LRP6: variants seen among roughly 807,000 people sequenced by gnomAD.
The protein encoded by LRP6 is LDL receptor related protein 6.
LRP6 carries 43 observed loss-of-function variants against 184.1 expected under a neutral mutation model. The ratio of observed to expected loss-of-function variants is 0.23; its 90% CI spans 0.18 to 0.30. The LOEUF is 0.30. Among genes scored for constraint, LRP6 ranks in the 10% least tolerant of loss-of-function variants. The pLI is 1.00. For missense variants in LRP6, 1,571 were observed against 2,005.3 expected (o/e 0.78, Z 4.14); for synonymous variants, 719 against 684.9 (o/e 1.05, Z -0.78).
At chr12:12,194,417 T>C (rs1014729953) in intron 3 of LRP6, among the ~76,000 whole-genome samples, 3 of 152,076 alleles carry the variant, frequency 2.0e-5, no homozygotes, top group Admixed American at 6.6e-5. Flanking sequence ...CAAAAGGCCC[T>C]GCATGAACCC....
intron 15 of LRP6, among the ~76,000 whole-genome samples, chr12:12,145,769 T>A (rs897858295): frequency 6.6e-6 from 1 of 151,674 alleles, no homozygotes; most frequent in Non-Finnish European, 1.5e-5. Flanking sequence ...GTAGCTGAGA[T>A]TACAGGTGCC....
intron 10 of LRP6, among the ~76,000 whole-genome samples, chr12:12,160,824 G>GA (rs1313433755): frequency 6.6e-6 from 1 of 152,180 alleles, no homozygotes; most frequent in African/African-American, 2.4e-5. Flanking sequence ...GTAAACTAGT[G>GA]AGGTGCTAGT....
At chr12:12,164,136 A>G in intron 9 of LRP6, 137 bp downstream of exon 9, 3 of 799,964 alleles carry the variant, frequency 3.8e-6, no homozygotes, top group Non-Finnish European at 5.9e-6. Flanking sequence ...TTTAAAAAAA[A>G]AAAAAAAAAC....
At chr12:12,138,984 G>A in intron 15 of LRP6, 4 of 1,345,918 alleles carry the variant, frequency 3.0e-6, no homozygotes, top group Non-Finnish European at 4.0e-6. Flanking sequence ...CCCAAGGTAA[G>A]AATTATTTCT....
At chr12:12,237,591 T>C (rs10772540) in intron 2 of LRP6, among the ~76,000 whole-genome samples, 61,599 of 152,180 alleles carry the variant, frequency 0.4, 15,224 homozygotes, top group East Asian at 0.76. Context: ...TAACATCACC[T>C]AGTATCCACA....
At chr12:12,239,838 ATAC>A (rs1381867185) in intron 2 of LRP6, among the ~76,000 whole-genome samples, 1 of 152,156 alleles carries the variant, frequency 6.6e-6, no homozygotes, top group East Asian at 1.9e-4. Flanking sequence ...GCATTCAGTT[ATAC>A]TACAACTACT....
intron 15 of LRP6, among the ~76,000 whole-genome samples, chr12:12,145,667 C>T (rs2136905825): frequency 7.1e-6 from 1 of 140,784 alleles, no homozygotes; most frequent in South Asian, 2.3e-4. Context: ...GTTCTCGTTC[C>T]ATAACCCAGG....
At chr12:12,266,140 C>T (rs1865752172) in intron 1 of LRP6, among the ~76,000 whole-genome samples, 1 of 152,148 alleles carries the variant, frequency 6.6e-6, no homozygotes, top group South Asian at 2.1e-4. Context: ...TCCAACTGCG[C>T]TCTCACCCAG....
Position 12,266,957 on chromosome 12 carries a change from T to C in LRP6, c.-222A>G, listed in dbSNP as rs1865787799. The C allele has an allele frequency of 3.6e-6, 2 of 551,288 alleles. No individual in the cohort carries two copies. The highest frequency in any genetic ancestry group is 6.3e-6 in the Non-Finnish European group (2 of 316,310). The allele number at this position is 551,288 out of a possible 1,614,324, so 34.1% of individuals were successfully genotyped here. A position where few individuals can be genotyped will look rare whatever the true frequency, so the allele number is the denominator to read the frequency against. On this transcript the variant is annotated 5_prime_UTR_variant, in exon 1 of 23. Coordinates refer to ENST00000261349, the MANE Select transcript of LRP6 (RefSeq NM_002336.3). Reference sequence around the variant, plus strand: ...GGCTCGCGCGACGCCAGCGTCTGCTTCCATCCCGCCGCCTCCTCCCCCGGC... The same window carrying C: ...GGCTCGCGCGACGCCAGCGTCTGCTCCCATCCCGCCGCCTCCTCCCCCGGC...
At chr12:12,130,469 A>C (rs1949735317) in intron 19 of LRP6, among the ~76,000 whole-genome samples, 1 of 152,122 alleles carries the variant, frequency 6.6e-6, no homozygotes, top group African/African-American at 2.4e-5. Context: ...TACAGGTGTG[A>C]GCCACCACGC....
At chr12:12,200,516 G>A (rs1863887448) in intron 3 of LRP6, among the ~76,000 whole-genome samples, 1 of 151,938 alleles carries the variant, frequency 6.6e-6, no homozygotes, top group African/African-American at 2.4e-5. Flanking sequence ...GTTCTTTTTT[G>A]TTTTCACTTC....
At chr12:12,220,924 G>A (rs1210031047) in intron 2 of LRP6, among the ~76,000 whole-genome samples, 2 of 152,028 alleles carry the variant, frequency 1.3e-5, no homozygotes, top group Non-Finnish European at 2.9e-5. Context: ...AGATCACAAC[G>A]GCATCCCAAA....
intron 2 of LRP6, among the ~76,000 whole-genome samples, chr12:12,233,562 A>C (rs1347683871): frequency 6.6e-6 from 1 of 152,230 alleles, no homozygotes. Context: ...ACAAGGTGAG[A>C]GATAAAAAGG....
chr12:12,215,189 A>C (rs1864309417), intron 2 of LRP6, among the ~76,000 whole-genome samples: 2 of 152,274 alleles, frequency 1.3e-5, no homozygotes, highest in South Asian at 4.2e-4. Flanking sequence ...ACATCCTTAC[A>C]AATAAACATA....
At chr12:12,212,582 T>C (rs1443388936) in intron 2 of LRP6, among the ~76,000 whole-genome samples, 1 of 152,190 alleles carries the variant, frequency 6.6e-6, no homozygotes, top group Non-Finnish European at 1.5e-5. Flanking sequence ...CAGATTTCCA[T>C]AGCAAAACTT....
chr12:12,249,337 C>T, intron 1 of LRP6: 2 of 1,150,514 alleles, frequency 1.7e-6, no homozygotes, highest in Admixed American at 3.4e-5. Flanking sequence ...TTCACAGCAC[C>T]AAAGTTGTCC....
At chr12:12,195,169 T>C (rs189421732) in intron 3 of LRP6, among the ~76,000 whole-genome samples, 2 of 152,218 alleles carry the variant, frequency 1.3e-5, no homozygotes, top group African/African-American at 4.8e-5. Context: ...AACATAGGGG[T>C]GCAGATGTCT....
intron 2 of LRP6, among the ~76,000 whole-genome samples, chr12:12,220,029 G>A (rs1472094178): frequency 6.6e-6 from 1 of 152,146 alleles, no homozygotes; most frequent in Non-Finnish European, 1.5e-5. Flanking sequence ...GTTCACGCCT[G>A]TAATCCCACC....
chr12:12,249,960 T>C (rs1865286617), intron 1 of LRP6, among the ~76,000 whole-genome samples: 1 of 152,180 alleles, frequency 6.6e-6, no homozygotes, highest in East Asian at 1.9e-4. Flanking sequence ...CCTCCCCTTT[T>C]CCCCTAGTCT....
Sources: gnomAD v4.1 joint callset for allele counts (sites outside exome capture counted in the v4.1 genomes callset) on GRCh38, gnomAD v4.1.1 for gene constraint, MANE v1.5 for transcripts, NCBI Gene and HGNC (gene_info 2026-07-23, HGNC 2026-07-21) for gene names.